The following PDE1A variants were observed in gnomAD, a reference collection of about 807,000 sequenced individuals.
PDE1A encodes phosphodiesterase 1A, also known as dual specificity calcium/calmodulin-dependent 3',5'-cyclic nucleotide phosphodiesterase 1A.
Under a neutral mutation model 61.7 loss-of-function variants are expected in PDE1A, and 35 were observed. The ratio of observed to expected loss-of-function variants is 0.57; its 90% CI spans 0.43 to 0.75. PDE1A has a LOEUF of 0.75. Ranked by LOEUF, PDE1A falls within the 30% of genes least tolerant of loss-of-function variation. PDE1A has a pLI of 0.00. For synonymous variants in PDE1A, 232 were observed against 213.2 expected, an observed-to-expected ratio of 1.09 and a Z score of -0.77; for missense variants, 597 against 630.6, an observed-to-expected ratio of 0.95 and a Z score of 0.57.
chr2:182,396,143 TC>T (rs1559416614), intron 1 of PDE1A, among the ~76,000 whole-genome samples: 1 of 152,176 alleles, frequency 6.6e-6, no homozygotes, highest in African/African-American at 2.4e-5. Flanking sequence ...CCCGATGGCC[TC>T]ATGTGGAGCT....
In PDE1A at chr2:182,477,097, G is replaced by A. The variant is rs539485425; in HGVS notation, c.101+45179C>T. On this transcript the variant is annotated intron_variant, in intron 2 of 14. Transcript: ENST00000410103. ...AACAAAAGGAACAGCATAATAATTCGTAAGTCAAAGGCATTCATGGATTTC... is the reference window on the plus strand; with the variant it reads ...AACAAAAGGAACAGCATAATAATTCATAAGTCAAAGGCATTCATGGATTTC... Among the ~76,000 whole-genome samples the A allele has an allele frequency of 2.1e-4, 32 of 151,928 alleles. 1 individual carries two copies. The South Asian group carries it at 3.9e-3, about 19-fold the overall frequency.
chr2:182,240,336 A>G (rs764035239), intron 2 of PDE1A, 44 bp from the exon 3 acceptor site: 6 of 1,235,144 alleles, frequency 4.9e-6, no homozygotes, highest in Non-Finnish European at 6.6e-6. Flanking sequence ...AAAAAAGTGA[A>G]GAAAAACATA....
intron 2 of PDE1A, among the ~76,000 whole-genome samples, chr2:182,448,850 T>C (rs183787903): frequency 3.5e-4 from 54 of 152,188 alleles, no homozygotes; most frequent in African/African-American, 1.3e-3. Flanking sequence ...GGAAAGGTAC[T>C]ATAGAGATTA....
At chr2:182,168,374 T>C in intron 13 of PDE1A, 1 of 1,232,936 alleles carries the variant, frequency 8.1e-7, no homozygotes, top group Non-Finnish European at 1.1e-6. Context: ...TTCTCATTTA[T>C]AATCAGCCAT....
At chr2:182,653,331 C>T in the PDE1A span, among the ~76,000 whole-genome samples, 9 of 152,126 alleles carry the variant, frequency 5.9e-5, no homozygotes, top group African/African-American at 1.4e-4. Context: ...AGAGACACCT[C>T]GCTATGTATC....
chr2:182,281,906 C>A (rs1693834751), intron 1 of PDE1A, among the ~76,000 whole-genome samples: 1 of 151,618 alleles, frequency 6.6e-6, no homozygotes, highest in African/African-American at 2.4e-5. Context: ...AAAAATAAAC[C>A]TGAGACTAAA....
At chr2:182,527,700 G>A (rs914267778), upstream of PDE1A, among the ~76,000 whole-genome samples, 3 of 152,078 alleles carry the variant, frequency 2.0e-5, no homozygotes, top group Admixed American at 6.6e-5. Context: ...TGGTTTGGCT[G>A]TGTTCCCATC....
rs142703616 is a variant in PDE1A, at chr2:182,234,823, T to C, written c.351-325A>G. Among the ~76,000 whole-genome samples, 385 of 152,346 alleles carry C rather than the reference T, an allele frequency of 2.5e-3. 2 individuals are homozygous for C. The highest frequency in any genetic ancestry group is 8.9e-3 in the African/African-American group (371 of 41,592). ...GCAACAACTTTCTAACATGCCACCA[T>C]ATCCCTGACAGCAGAACATTCTTGT... On this transcript the variant is annotated intron_variant, in intron 3 of 13. Coordinates refer to ENST00000351439, the Ensembl canonical transcript of PDE1A.
the PDE1A span, among the ~76,000 whole-genome samples, chr2:182,659,807 A>G: frequency 6.6e-6 from 1 of 152,242 alleles, no homozygotes; most frequent in African/African-American, 2.4e-5. Flanking sequence ...TATTACTAAT[A>G]AACAGAAATG....
At chr2:182,264,879 ATATATATATATATG>A (rs1225531306) in intron 1 of PDE1A, among the ~76,000 whole-genome samples, 2 of 39,942 alleles carry the variant, frequency 5.0e-5, no homozygotes, top group Non-Finnish European at 8.7e-5. Flanking sequence ...ATATATATAC[ATATATATATATATG>A]TATATATATA....
At chr2:182,556,891 T>C in the PDE1A span, among the ~76,000 whole-genome samples, 11 of 152,358 alleles carry the variant, frequency 7.2e-5, no homozygotes, top group African/African-American at 2.4e-4. Flanking sequence ...TGTTAACGAA[T>C]AAATAAATAT....
chr2:182,514,109 A>G (rs1272035467), intron 2 of PDE1A, among the ~76,000 whole-genome samples: 2 of 152,206 alleles, frequency 1.3e-5, no homozygotes, highest in African/African-American at 4.8e-5. Context: ...ATACCTAGAA[A>G]TACTACTAAC....
At chr2:182,357,747 G>A (rs10173255) in intron 1 of PDE1A, among the ~76,000 whole-genome samples, 39,381 of 152,088 alleles carry the variant, frequency 0.26, 5,412 homozygotes, top group East Asian at 0.46. Context: ...TTGTGACTTC[G>A]TCACCAATTC....
At chr2:182,235,841 T>C (rs1689967090) in intron 3 of PDE1A, among the ~76,000 whole-genome samples, 1 of 152,250 alleles carries the variant, frequency 6.6e-6, no homozygotes, top group Admixed American at 6.5e-5. Context: ...ACGTCTTTTA[T>C]AAAACCGCTA....
chr2:182,652,806 C>A, the PDE1A span, among the ~76,000 whole-genome samples: 1 of 152,324 alleles, frequency 6.6e-6, no homozygotes, highest in South Asian at 2.1e-4. Flanking sequence ...TTTGTAATTT[C>A]TCTCTCCCTT....
intron 13 of PDE1A, among the ~76,000 whole-genome samples, chr2:182,153,013 A>C (rs1645483183): frequency 6.6e-6 from 1 of 152,208 alleles, no homozygotes; most frequent in African/African-American, 2.4e-5. Context: ...TTTGAGGAAA[A>C]TACAACAATT....
At chr2:182,540,183 G>A in the PDE1A span, among the ~76,000 whole-genome samples, 1 of 151,924 alleles carries the variant, frequency 6.6e-6, no homozygotes, top group African/African-American at 2.4e-5. Flanking sequence ...GGCCAACATG[G>A]TGAAACACCG....
At chr2:182,210,268 T>C (rs1212559723) in intron 7 of PDE1A, among the ~76,000 whole-genome samples, 2 of 152,220 alleles carry the variant, frequency 1.3e-5, no homozygotes, top group Non-Finnish European at 2.9e-5. Flanking sequence ...TAGCAATAAA[T>C]GAGAGTTCCT....
At chr2:182,611,188 C>T in the PDE1A span, among the ~76,000 whole-genome samples, 2 of 152,172 alleles carry the variant, frequency 1.3e-5, no homozygotes, top group Non-Finnish European at 2.9e-5. Flanking sequence ...TGATTCAGCC[C>T]ACTTCCAATT....
Sources: allele counts gnomAD v4.1 joint callset (sites outside exome capture counted in the v4.1 genomes callset), GRCh38; gene constraint gnomAD v4.1.1; transcripts MANE v1.5; gene names NCBI Gene and HGNC (gene_info 2026-07-23, HGNC 2026-07-21).